SLC25A26: variants seen among roughly 807,000 people sequenced by gnomAD.
The protein encoded by SLC25A26 is mitochondrial S-adenosylmethionine carrier protein.
Under a neutral mutation model 37.8 loss-of-function variants are expected in SLC25A26, and 36 were observed. The observed-to-expected ratio is 0.95, with a 90% confidence interval of 0.73 to 1.26. The LOEUF (loss-of-function observed/expected upper bound fraction) is 1.26, where lower values mean the gene tolerates loss of function less well. SLC25A26 is among the 50% of genes most tolerant of loss of function. The probability of loss-of-function intolerance (pLI) is 0.00; values close to 1 mark genes in which losing one functional copy is unlikely to be tolerated. For missense variants in SLC25A26, 390 were observed against 331.1 expected, an observed-to-expected ratio of 1.18 and a Z score of -1.38; for synonymous variants, 129 against 122.5, an observed-to-expected ratio of 1.05 and a Z score of -0.35.
At chr3:66,187,515 G>C (rs1049333492) in intron 1 of SLC25A26, among the ~76,000 whole-genome samples, 1 of 151,778 alleles carries the variant, frequency 6.6e-6, no homozygotes, top group Admixed American at 6.6e-5. Flanking sequence ...CTCACACAAA[G>C]ACCCTGATAT....
chr3:66,200,675 A>T (rs939016990), intron 1 of SLC25A26, among the ~76,000 whole-genome samples: 21,917 of 152,232 alleles, frequency 0.14, 1,919 homozygotes, highest in South Asian at 0.26. Context: ...GCAAACCTGT[A>T]CTTATGTTTT....
intron 3 of SLC25A26, among the ~76,000 whole-genome samples, chr3:66,260,243 C>T (rs898274877): frequency 3.9e-5 from 6 of 152,030 alleles, no homozygotes; most frequent in African/African-American, 9.7e-5. Context: ...TATGTATTTG[C>T]GGGTTCTTTG....
rs533532807 is a variant in SLC25A26, at chr3:66,357,055, G to A, written c.499-5805G>A. ...GAAGCTTTACTTAAGAAAAATTACC[G>A]AAGTGAAACTAAGAACATTTTTGAC... is the stretch of plus-strand genomic sequence containing the variant. On this transcript the variant is annotated intron_variant, in intron 6 of 9. Transcript: ENST00000354883. Among the ~76,000 whole-genome samples the A allele has an allele frequency of 2.6e-4, 40 of 152,246 alleles. No homozygotes were observed. The South Asian group carries it at 7.1e-3, about 27-fold the overall frequency.
At chr3:66,243,344 C>A in intron 3 of SLC25A26, 32 bp downstream of exon 3, 1 of 1,004,742 alleles carries the variant, frequency 1.0e-6, no homozygotes, top group Non-Finnish European at 1.6e-6. Flanking sequence ...TAAAATACTT[C>A]AGAAATGCAC....
chr3:66,323,512 A>G (rs1227830103), intron 5 of SLC25A26, among the ~76,000 whole-genome samples: 1 of 152,188 alleles, frequency 6.6e-6, no homozygotes, highest in Non-Finnish European at 1.5e-5. Flanking sequence ...CTCAGTGAAA[A>G]TTCAGAGGCT....
At chr3:66,333,854 C>A (rs201297858) in intron 5 of SLC25A26, among the ~76,000 whole-genome samples, 3 of 139,794 alleles carry the variant, frequency 2.1e-5, no homozygotes, top group Admixed American at 1.4e-4. Context: ...AAACAAAAAA[C>A]ACACACTCCA....
chr3:66,228,520 C>T (rs2071864048), intron 1 of SLC25A26, among the ~76,000 whole-genome samples: 1 of 152,142 alleles, frequency 6.6e-6, no homozygotes, highest in Non-Finnish European at 1.5e-5. Context: ...TCTCACCTCC[C>T]CAAATCAGGT....
intron 1 of SLC25A26, among the ~76,000 whole-genome samples, chr3:66,143,004 C>T (rs969796610): frequency 2.6e-5 from 4 of 152,160 alleles, no homozygotes; most frequent in East Asian, 1.9e-4. Context: ...TGGCCTCAGG[C>T]GATCTTCCTG....
intron 5 of SLC25A26, among the ~76,000 whole-genome samples, chr3:66,277,932 G>C (rs2107419511): frequency 6.6e-6 from 1 of 152,172 alleles, no homozygotes; most frequent in East Asian, 1.9e-4. Context: ...TCAAAGTTAT[G>C]ATAAAGAAAG....
At chr3:66,222,182 A>T (rs2071526766) in intron 1 of SLC25A26, among the ~76,000 whole-genome samples, 1 of 139,814 alleles carries the variant, frequency 7.2e-6, no homozygotes, top group Non-Finnish European at 1.6e-5. Context: ...AATGTTACTG[A>T]TTTTTTTTTT....
intron 5 of SLC25A26, among the ~76,000 whole-genome samples, chr3:66,330,320 C>G (rs11128419): frequency 6.6e-6 from 1 of 151,924 alleles, no homozygotes; most frequent in Non-Finnish European, 1.5e-5. Flanking sequence ...CTAATGGAAA[C>G]GCTGAGTAGA....
chr3:66,340,955 G>A (rs1002219357), intron 5 of SLC25A26, among the ~76,000 whole-genome samples: 1 of 151,496 alleles, frequency 6.6e-6, no homozygotes, highest in African/African-American at 2.4e-5. Context: ...GAGAGAGAAT[G>A]TGTGTGTGTG....
chr3:66,193,344 G>C (rs902428274), intron 1 of SLC25A26, among the ~76,000 whole-genome samples: 1 of 152,212 alleles, frequency 6.6e-6, no homozygotes, highest in African/African-American at 2.4e-5. Flanking sequence ...GTCAACAGAG[G>C]TTCCTTTTTT....
intron 9 of SLC25A26, among the ~76,000 whole-genome samples, chr3:66,374,939 G>A (rs916324020): frequency 1.3e-5 from 2 of 152,018 alleles, no homozygotes; most frequent in Non-Finnish European, 2.9e-5. Context: ...AGTGAGGAAG[G>A]CATGTGGAAA....
At chr3:66,354,597 G>T (rs1235262694) in intron 6 of SLC25A26, among the ~76,000 whole-genome samples, 1 of 152,100 alleles carries the variant, frequency 6.6e-6, no homozygotes, top group African/African-American at 2.4e-5. Context: ...TAGTTAAAAT[G>T]TCTACCACCA....
At chr3:66,325,126 C>T (rs976260911) in intron 5 of SLC25A26, among the ~76,000 whole-genome samples, 3 of 152,130 alleles carry the variant, frequency 2.0e-5, no homozygotes, top group Non-Finnish European at 4.4e-5. Context: ...TTCAATGTTT[C>T]CACAATTCTA....
chr3:66,209,089 TG>T (rs2106830528), intron 1 of SLC25A26, among the ~76,000 whole-genome samples: 3 of 7,226 alleles, frequency 4.2e-4, no homozygotes, highest in East Asian at 5.6e-3. Flanking sequence ...CATATAAAGA[TG>T]TATATATATA....
intron 5 of SLC25A26, among the ~76,000 whole-genome samples, chr3:66,264,989 T>C (rs1320571809): frequency 6.6e-6 from 1 of 152,200 alleles, no homozygotes; most frequent in Non-Finnish European, 1.5e-5. Flanking sequence ...AAGTTTACCA[T>C]CACTAAGTAG....
intron 1 of SLC25A26, 120 bp downstream of exon 1, chr3:66,221,247 G>C (rs2071477536): frequency 2.7e-6 from 3 of 1,124,728 alleles, no homozygotes; most frequent in Non-Finnish European, 3.6e-6. Context: ...TCGGGTTACT[G>C]GCAGCCAGGT....
Sources: gnomAD v4.1 joint callset for allele counts (sites outside exome capture counted in the v4.1 genomes callset) on GRCh38, gnomAD v4.1.1 for gene constraint, MANE v1.5 for transcripts, NCBI Gene and HGNC (gene_info 2026-07-23, HGNC 2026-07-21) for gene names.